PNLIPRP1: variants seen among roughly 807,000 people sequenced by gnomAD.
The protein encoded by PNLIPRP1 is pancreatic lipase related protein 1.
In PNLIPRP1, 57 loss-of-function variants were observed where a neutral mutation model predicts 54.6. That is an observed-to-expected ratio of 1.04 (90% CI 0.84 to 1.30). PNLIPRP1 has a LOEUF of 1.30. Among genes scored for constraint, PNLIPRP1 ranks in the 50% most tolerant of loss-of-function variants. The pLI is 0.00. For synonymous variants in PNLIPRP1, 232 were observed against 208.8 expected (o/e 1.11, Z -0.96); for missense variants, 567 against 568.5 (o/e 1.00, Z 0.03).
At chr10:116,592,340 C>G in intron 3 of PNLIPRP1, 76 bp from the exon 4 acceptor site, 1 of 1,488,220 alleles carries the variant, frequency 6.7e-7, no homozygotes, top group Middle Eastern at 2.3e-4. Context: ...GGCATTGGCG[C>G]AGGCGGAGAT....
In PNLIPRP1 at chr10:116,592,963, T is replaced by A. The variant is rs1847666837; in HGVS notation, c.330+422T>A. On this transcript the variant is annotated intron_variant, in intron 4 of 12. Coordinates refer to ENST00000358834, the MANE Select transcript of PNLIPRP1 (RefSeq NM_006229.4). ...TGGATGGATCACCTGAGGTCAGGAG[T>A]TCGAGACCAGCCTGGCGAACATGGT... The A allele has an allele frequency of 9.4e-6, 3 of 319,416 alleles. No homozygotes were observed. In the Admixed American group the frequency reaches 1.3e-4, roughly 14 times the overall value. 19.8% of individuals were successfully genotyped at this position (319,416 alleles called of 1,614,324 possible).
chr10:116,591,942 T>C lies in PNLIPRP1; in HGVS notation c.204+17T>C. On this transcript the variant is annotated intron_variant, in intron 3 of 12. Coordinates refer to ENST00000358834, the MANE Select transcript of PNLIPRP1 (RefSeq NM_006229.4). ...AACTTTCAAGTGAGACCTCTGTCAT[T>C]TAAATGTCACTGTAACTGGCACGGG... is the stretch of plus-strand genomic sequence containing the variant. 6.2e-7 allele frequency: 1 copy of C among 1,613,882 alleles called. No homozygotes were observed.
At chr10:116,599,877 A>T (rs1304549308) in intron 8 of PNLIPRP1, among the ~76,000 whole-genome samples, 170 bp from the exon 9 acceptor site, 7 of 152,224 alleles carry the variant, frequency 4.6e-5, no homozygotes, top group Admixed American at 3.3e-4. Flanking sequence ...CCTTGTACAC[A>T]GAAAGCACCC....
chr10:116,599,969 T>C (rs1298262789), intron 8 of PNLIPRP1, 78 bp from the exon 9 acceptor site: 18 of 867,736 alleles, frequency 2.1e-5, no homozygotes, highest in Middle Eastern at 2.3e-4. Context: ...TTTGGAACCA[T>C]CCCATTTGGA....
intron 2 of PNLIPRP1, 130 bp from the exon 3 acceptor site, chr10:116,591,641 G>C: frequency 1.1e-6 from 1 of 872,316 alleles, no homozygotes; most frequent in Non-Finnish European, 1.8e-6. Context: ...GAGTGGGAGG[G>C]GTTGCAGTAG....
Position 116,600,027 on chromosome 10 carries a change from C to G in PNLIPRP1, c.815-20C>G. 6.5e-7 allele frequency: 1 copy of G among 1,539,952 alleles called. No individual in the cohort carries two copies. Among genetic ancestry groups the G allele is most frequent in the Non-Finnish European group, 9.0e-7 (1 of 1,112,612 alleles). ...CAGGCCCCCAACCACCTGTTCAGGT[C>G]TCCTTATTTGTTTTCCCAGGAACCC... On this transcript the variant is annotated intron_variant, in intron 8 of 12. Transcript: ENST00000358834.
At chr10:116,597,744 C>A in intron 6 of PNLIPRP1, 84 bp from the exon 7 acceptor site, 1 of 1,526,912 alleles carries the variant, frequency 6.5e-7, no homozygotes, top group Non-Finnish European at 9.0e-7. Flanking sequence ...TTGGGCAGTG[C>A]ATAGCCCGGG....
In PNLIPRP1 at chr10:116,594,773, G is replaced by A. The variant is rs143114736; in HGVS notation, c.374G>A (p.Trp125Ter). 9.3e-5 allele frequency: 150 copies of A among 1,614,006 alleles called. No individual in the cohort carries two copies. The highest frequency in any genetic ancestry group is 1.2e-4 in the Non-Finnish European group (140 of 1,180,026). ...GAGGTGAACTGCATCTGCGTGGACT[G>A]GAAGAAGGGCTCCCAAGCCACCTAC... ...VEEVNCICVD[W>*]KKGSQATYTQ... Residue 125 changes from tryptophan to a stop codon, truncating the protein, a stop_gained, in exon 5 of 13, where the codon TGG becomes TAG. Coordinates refer to ENST00000358834, the MANE Select transcript of PNLIPRP1 (RefSeq NM_006229.4). LOFTEE classifies it high-confidence loss of function.
At chr10:116,597,662 A>G (rs564076428) in intron 6 of PNLIPRP1, among the ~76,000 whole-genome samples, 166 bp from the exon 7 acceptor site, 1 of 152,340 alleles carries the variant, frequency 6.6e-6, no homozygotes, top group East Asian at 1.9e-4. Context: ...AGCCACATTC[A>G]GACTCTATGT....
chr10:116,592,717 T>G, intron 4 of PNLIPRP1, 176 bp downstream of exon 4: 1 of 762,746 alleles, frequency 1.3e-6, no homozygotes, highest in Admixed American at 2.0e-5. Context: ...ATCTGCACAC[T>G]GAAGCAACCA....
intron 10 of PNLIPRP1, 72 bp downstream of exon 10, chr10:116,601,273 T>C: frequency 7.3e-7 from 1 of 1,373,382 alleles, no homozygotes; most frequent in South Asian, 1.3e-5. Flanking sequence ...GGGGCTTGCT[T>C]TCAACCTGAA....
Position 116,605,520 on chromosome 10 carries a change from A to G in PNLIPRP1, c.1307A>G (p.Lys436Arg). ...ACCCTCCCCAAAGTGGGTGCCACCAAGATCACTGTGCAAAAGGGAGAAGAG... is the reference window on the plus strand; with the variant it reads ...ACCCTCCCCAAAGTGGGTGCCACCAGGATCACTGTGCAAAAGGGAGAAGAG... ...NPTLPKVGAT[K>R]ITVQKGEEKT... The change falls in exon 12 of 13, where the codon AAG becomes AGG. Residue 436 changes from lysine to arginine, a missense_variant. Physicochemically the swap from Lys to Arg is conservative, Grantham distance 26. Coordinates refer to ENST00000358834, the MANE Select transcript of PNLIPRP1 (RefSeq NM_006229.4). 1 of 1,609,786 alleles carries G rather than the reference A, an allele frequency of 6.2e-7. No individual in the cohort carries two copies. The highest frequency in any genetic ancestry group is 8.5e-7 in the Non-Finnish European group (1 of 1,177,156).
chr10:116,601,324 A>T, intron 10 of PNLIPRP1, 123 bp downstream of exon 10: 1 of 891,888 alleles, frequency 1.1e-6, no homozygotes, highest in Non-Finnish European at 1.7e-6. Context: ...AAATGGACAC[A>T]TTTACCGAAA....
chr10:116,604,588 A>T (rs1168414662), intron 11 of PNLIPRP1, among the ~76,000 whole-genome samples: 1 of 151,990 alleles, frequency 6.6e-6, no homozygotes, highest in Non-Finnish European at 1.5e-5. Flanking sequence ...GCAACGCAGG[A>T]CTATATAACT....
intron 9 of PNLIPRP1, among the ~76,000 whole-genome samples, chr10:116,600,669 C>T (rs1847819765): frequency 6.6e-6 from 1 of 152,134 alleles, no homozygotes; most frequent in African/African-American, 2.4e-5. Context: ...AGTATCCCTT[C>T]CCAACTCCAA....
Position 116,609,036 on chromosome 10 carries a change from C to A in PNLIPRP1, c.1341-17C>A. ...TAAGGTGACCCAAACTCTTACAAAG[C>A]TTCCTTTTCTCCCCAGGTACAACTT... On this transcript the variant is annotated splice_polypyrimidine_tract_variant and intron_variant, in intron 12 of 12. Transcript: ENST00000358834. 6.3e-7 allele frequency: 1 copy of A among 1,599,074 alleles called. No individual in the cohort carries two copies. Among genetic ancestry groups the A allele is most frequent in the Non-Finnish European group, 8.6e-7 (1 of 1,166,192 alleles).
At position 116,600,133 on chromosome 10, in the gene PNLIPRP1, T is replaced by C; in HGVS notation, c.901T>C (p.Tyr301His). ...CCTCAATCCCGATGGGTTTGCTGCATATCCCTGCACTTCCTACAAGTCCTT... is the reference window on the plus strand; with the variant it reads ...CCTCAATCCCGATGGGTTTGCTGCACATCCCTGCACTTCCTACAAGTCCTT... The part of the protein sequence containing the change: ...SILNPDGFAA[Y>H]PCTSYKSFES... The change falls in exon 9 of 13, where the codon TAT becomes CAT. Residue 301 changes from tyrosine to histidine, a missense_variant. Physicochemically the swap from Tyr to His is moderately conservative, Grantham distance 83 (BLOSUM62 2). Coordinates refer to ENST00000358834, the MANE Select transcript of PNLIPRP1 (RefSeq NM_006229.4). The C allele has an allele frequency of 6.2e-7, 1 of 1,612,794 alleles. No individual in the cohort carries two copies. The highest frequency in any genetic ancestry group is 2.2e-5 in the East Asian group (1 of 44,866).
Position 116,604,148 on chromosome 10 carries a change from T to A in PNLIPRP1, c.1172+10T>A. 1 of 1,414,418 alleles carries A rather than the reference T, an allele frequency of 7.1e-7. No individual in the cohort carries two copies. The highest frequency in any genetic ancestry group is 1.0e-6 in the Non-Finnish European group (1 of 998,418). The allele number at this position is 1,414,418 out of a possible 1,614,324, so 87.6% of individuals were successfully genotyped here. A position where few individuals can be genotyped will look rare whatever the true frequency, so the allele number is the denominator to read the frequency against. ...AGTACAGTATCTTCAGGTAATTTCCTATTTTAACACTACGTCTCATTTGAT... is the reference window on the plus strand; with the variant it reads ...AGTACAGTATCTTCAGGTAATTTCCAATTTTAACACTACGTCTCATTTGAT... On this transcript the variant is annotated intron_variant, in intron 11 of 12. Transcript: ENST00000358834.
At chr10:116,592,193 G>C in intron 3 of PNLIPRP1, 1 of 639,446 alleles carries the variant, frequency 1.6e-6, no homozygotes, top group South Asian at 2.1e-5. Context: ...AAAAACCACA[G>C]GGAAGGTAAA....
Sources: allele counts gnomAD v4.1 joint callset (sites outside exome capture counted in the v4.1 genomes callset), GRCh38; gene constraint gnomAD v4.1.1; transcripts MANE v1.5; gene names NCBI Gene and HGNC (gene_info 2026-07-23, HGNC 2026-07-21).